The following SHISA6 variants were observed in gnomAD, a reference collection of about 807,000 sequenced individuals.
The protein encoded by SHISA6 is shisa family member 6, also known as protein shisa-6.
In SHISA6, 22 loss-of-function variants were observed where a neutral mutation model predicts 47.9. That is an observed-to-expected ratio of 0.46 (90% CI 0.33 to 0.66). SHISA6 has a LOEUF of 0.66. Ranked by LOEUF, SHISA6 falls within the 30% of genes least tolerant of loss-of-function variation. The pLI, the probability that SHISA6 is intolerant of heterozygous loss-of-function variation, is 0.02. For synonymous variants in SHISA6, 388 were observed against 337.8 expected, an observed-to-expected ratio of 1.15 and a Z score of -1.63; for missense variants, 680 against 764.6, an observed-to-expected ratio of 0.89 and a Z score of 1.30.
intron 3 of SHISA6, among the ~76,000 whole-genome samples, chr17:11,405,675 G>T (rs1021708130): frequency 6.6e-6 from 1 of 152,074 alleles, no homozygotes; most frequent in African/African-American, 2.4e-5. Context: ...GGTGGCGGGT[G>T]CCTGTAATCC....
At chr17:11,490,657 G>A (rs958014198) in intron 3 of SHISA6, among the ~76,000 whole-genome samples, 12 of 152,228 alleles carry the variant, frequency 7.9e-5, no homozygotes, top group African/African-American at 2.9e-4. Context: ...CTGCAGGAAG[G>A]AGGAAGGGCA....
intron 1 of SHISA6, among the ~76,000 whole-genome samples, chr17:11,247,775 C>CTTT (rs1248779153): frequency 1.5e-5 from 2 of 134,572 alleles, no homozygotes; most frequent in African/African-American, 2.8e-5. Context: ...TGGCGTCTTT[C>CTTT]TTTTTTTTTT....
At chr17:11,343,398 T>C (rs187648289) in intron 2 of SHISA6, among the ~76,000 whole-genome samples, 23 of 152,264 alleles carry the variant, frequency 1.5e-4, no homozygotes, top group Admixed American at 5.2e-4. Flanking sequence ...AAGGCTTGTG[T>C]AGGGTAGTTT....
At position 11,348,770 on chromosome 17, in the gene SHISA6, C is replaced by T. The variant is rs78286535; in HGVS notation, c.800-30644C>T. Among the ~76,000 whole-genome samples, 1,402 of 152,192 alleles carry T rather than the reference C, an allele frequency of 9.2e-3. 20 individuals are homozygous for T. The highest frequency in any genetic ancestry group is 0.032 in the African/African-American group (1,317 of 41,496). On this transcript the variant is annotated intron_variant, in intron 2 of 5. Transcript: ENST00000441885. ...ATCTGTATATTTTAACACTCGAGATCCTAAGTAGTAAAATGGAATAATATT... is the reference window on the plus strand; with the variant it reads ...ATCTGTATATTTTAACACTCGAGATTCTAAGTAGTAAAATGGAATAATATT...
At chr17:11,525,161 G>A (rs545074801) in intron 3 of SHISA6, among the ~76,000 whole-genome samples, 4 of 152,312 alleles carry the variant, frequency 2.6e-5, no homozygotes, top group African/African-American at 7.2e-5. Flanking sequence ...GCTGAATTAT[G>A]TGGCCCAGGC....
At chr17:11,513,169 TTA>T (rs1251427739) in intron 3 of SHISA6, among the ~76,000 whole-genome samples, 5 of 149,226 alleles carry the variant, frequency 3.4e-5, no homozygotes, top group East Asian at 3.9e-4. Context: ...ACATGTAAGT[TTA>T]TATATGTTTA....
intron 3 of SHISA6, among the ~76,000 whole-genome samples, chr17:11,480,260 T>G (rs928520977): frequency 6.6e-6 from 1 of 152,184 alleles, no homozygotes; most frequent in African/African-American, 2.4e-5. Context: ...TGTGCCTAGG[T>G]GTATTTTTTG....
chr17:11,497,327 A>C (rs2071417340), intron 3 of SHISA6, among the ~76,000 whole-genome samples: 1 of 152,118 alleles, frequency 6.6e-6, no homozygotes. Context: ...GAGGGAAGGG[A>C]AGTGATCTGA....
intron 2 of SHISA6, among the ~76,000 whole-genome samples, chr17:11,272,321 C>T (rs1466897771): frequency 6.6e-6 from 1 of 152,164 alleles, no homozygotes; most frequent in Non-Finnish European, 1.5e-5. Context: ...GCCTAGCCTG[C>T]TCTTCCTTAT....
chr17:11,386,923 C>T (rs1370948371), intron 3 of SHISA6, among the ~76,000 whole-genome samples: 6 of 152,210 alleles, frequency 3.9e-5, no homozygotes, highest in African/African-American at 1.4e-4. Flanking sequence ...TAGGAAAACC[C>T]TCAGTTTCTG....
chr17:11,336,981 A>G (rs1911343039), intron 2 of SHISA6, among the ~76,000 whole-genome samples: 1 of 152,176 alleles, frequency 6.6e-6, no homozygotes, highest in African/African-American at 2.4e-5. Flanking sequence ...TGAGATGAGG[A>G]GAGTGCAAAG....
intron 3 of SHISA6, among the ~76,000 whole-genome samples, chr17:11,403,878 G>A (rs7214934): frequency 0.58 from 88,016 of 151,998 alleles, 26,583 homozygotes; most frequent in African/African-American, 0.72. Flanking sequence ...CCTCCTGCCA[G>A]TCAGCCCAGG....
chr17:11,301,330 G>A (rs1032071399), intron 2 of SHISA6, among the ~76,000 whole-genome samples: 1 of 152,120 alleles, frequency 6.6e-6, no homozygotes, highest in African/African-American at 2.4e-5. Flanking sequence ...AATTCCCCAG[G>A]TGGGTAAATA....
At chr17:11,322,800 A>G (rs1597457797) in intron 2 of SHISA6, among the ~76,000 whole-genome samples, 1 of 152,202 alleles carries the variant, frequency 6.6e-6, no homozygotes, top group East Asian at 1.9e-4. Flanking sequence ...AAAGATTTTC[A>G]GGCTCCTACA....
intron 2 of SHISA6, among the ~76,000 whole-genome samples, chr17:11,328,217 CAT>C (rs1162937856): frequency 1.3e-5 from 2 of 152,228 alleles, no homozygotes; most frequent in African/African-American, 4.8e-5. Context: ...GGGCCACACA[CAT>C]GACTGCAGGT....
At chr17:11,348,272 T>A (rs72807108) in intron 2 of SHISA6, among the ~76,000 whole-genome samples, 3,439 of 152,256 alleles carry the variant, frequency 0.023, 88 homozygotes, top group East Asian at 0.062. Flanking sequence ...TATTTGTTTA[T>A]GTAAACAGGG....
At position 11,291,039 on chromosome 17, in the gene SHISA6, TTAA is replaced by T. The variant is rs1909520750; in HGVS notation, c.799+27520_799+27522del. Among the ~76,000 whole-genome samples, 4 of 151,738 alleles carry T rather than the reference TTAA, an allele frequency of 2.6e-5. No homozygotes were observed. The South Asian group carries it at 8.3e-4, about 31-fold the overall frequency. On this transcript the variant is annotated intron_variant, in intron 2 of 5. Coordinates refer to ENST00000441885, the MANE Select transcript of SHISA6 (RefSeq NM_207386.4). Reference sequence around the variant, plus strand: ...TTAATAATTCAATTCCATTAATTTATTAATAATAAATTATTTATTCTAAATAAT... The same window carrying T: ...TTAATAATTCAATTCCATTAATTTATTAATAAATTATTTATTCTAAATAAT...
intron 1 of SHISA6, among the ~76,000 whole-genome samples, chr17:11,255,803 T>G (rs1907984577): frequency 6.6e-6 from 1 of 152,220 alleles, no homozygotes; most frequent in South Asian, 2.1e-4. Context: ...ACTCTCCTCT[T>G]CTGCCTATGC....
chr17:11,521,250 A>C (rs1256630901), intron 3 of SHISA6, among the ~76,000 whole-genome samples: 2 of 152,260 alleles, frequency 1.3e-5, no homozygotes, highest in African/African-American at 4.8e-5. Context: ...TGAAGACAAT[A>C]ATTAAATATA....
Sources: allele counts gnomAD v4.1 joint callset (sites outside exome capture counted in the v4.1 genomes callset), GRCh38; gene constraint gnomAD v4.1.1; transcripts MANE v1.5; gene names NCBI Gene and HGNC (gene_info 2026-07-23, HGNC 2026-07-21).